Variants in TMEM135 observed in about 807,000 individuals in gnomAD.
TMEM135 encodes the protein transmembrane protein 135, also known as peroxisomal membrane protein 52.
TMEM135 carries 30 observed loss-of-function variants against 60.3 expected under a neutral mutation model. That is an observed-to-expected ratio of 0.50 (90% CI 0.37 to 0.68). The LOEUF is 0.68. Ranked by LOEUF, TMEM135 falls within the 30% of genes least tolerant of loss-of-function variation. The pLI is 0.00. For synonymous variants in TMEM135, 190 were observed against 186.7 expected, an observed-to-expected ratio of 1.02 and a Z score of -0.14; for missense variants, 468 against 548.8, an observed-to-expected ratio of 0.85 and a Z score of 1.47.
At chr11:87,118,216 G>C in intron 4 of TMEM135, among the ~76,000 whole-genome samples, 1 of 152,162 alleles carries the variant, frequency 6.6e-6, no homozygotes, top group Non-Finnish European at 1.5e-5. Context: ...AAGGGCCTTA[G>C]TATTGTCAGA....
rs1267022618 is a variant in TMEM135, at chr11:87,328,314, C to G, written c.*6981C>G. ...AAGGTTTTGCTCATCTTTAAAAAAT[C>G]TTAGTTGATTATGTTTTATGTGTCA... On this transcript the variant is annotated 3_prime_UTR_variant, in exon 15 of 15. Coordinates refer to ENST00000305494, the MANE Select transcript of TMEM135 (RefSeq NM_022918.4). 2 of 453,862 alleles carry G rather than the reference C, an allele frequency of 4.4e-6. No homozygotes were observed. Among genetic ancestry groups the G allele is most frequent in the Non-Finnish European group, 8.8e-6 (2 of 226,776 alleles). 28.1% of individuals were successfully genotyped at this position (453,862 alleles called of 1,614,324 possible).
At chr11:87,068,128 T>G (rs1235188329) in intron 2 of TMEM135, among the ~76,000 whole-genome samples, 1 of 152,230 alleles carries the variant, frequency 6.6e-6, no homozygotes, top group Admixed American at 6.5e-5. Flanking sequence ...CTTTTCAGTT[T>G]CATAGATCAG....
At chr11:87,074,120 C>T (rs1372061357) in intron 3 of TMEM135, among the ~76,000 whole-genome samples, 1 of 152,074 alleles carries the variant, frequency 6.6e-6, no homozygotes, top group Admixed American at 6.5e-5. Context: ...CATGAACCAC[C>T]AAGCCTGGCT....
intron 4 of TMEM135, among the ~76,000 whole-genome samples, chr11:87,134,809 G>A (rs1326538714): frequency 1.3e-5 from 2 of 152,128 alleles, no homozygotes; most frequent in African/African-American, 4.8e-5. Flanking sequence ...ATTTTAAGAA[G>A]TGTCTAGGCT....
intron 4 of TMEM135, among the ~76,000 whole-genome samples, chr11:87,136,361 C>T (rs558710886): frequency 2.5e-4 from 38 of 151,984 alleles, no homozygotes; most frequent in East Asian, 1.9e-3. Context: ...AAATCCCATT[C>T]AGTGTATTAT....
intron 5 of TMEM135, among the ~76,000 whole-genome samples, chr11:87,170,757 G>T (rs1270149551): frequency 1.3e-5 from 2 of 152,150 alleles, no homozygotes; most frequent in Non-Finnish European, 2.9e-5. Flanking sequence ...CCAGTCAGAA[G>T]GCATGGGGGT....
Position 87,327,419 on chromosome 11 carries a change from C to T in TMEM135, c.*6086C>T. The stretch of plus-strand genomic sequence containing the variant: ...GCTTCTGTGAGCCACTGAATGGTGC[C>T]ATTAACCATCTGCATTTGAGCATTT... On this transcript the variant is annotated 3_prime_UTR_variant, in exon 15 of 15. Coordinates refer to ENST00000305494, the MANE Select transcript of TMEM135 (RefSeq NM_022918.4). 2.2e-6 allele frequency: 1 copy of T among 454,006 alleles called. No individual in the cohort carries two copies. Among genetic ancestry groups the T allele is most frequent in the Non-Finnish European group, 4.4e-6 (1 of 226,782 alleles). The allele number at this position is 454,006 out of a possible 1,614,324, so 28.1% of individuals were successfully genotyped here.
At chr11:87,286,544 G>C (rs1056182784) in intron 6 of TMEM135, among the ~76,000 whole-genome samples, 1 of 152,230 alleles carries the variant, frequency 6.6e-6, no homozygotes, top group African/African-American at 2.4e-5. Flanking sequence ...TTAGGCGGTC[G>C]ATGGGACCGG....
At chr11:87,237,618 T>G (rs1941029313) in intron 6 of TMEM135, among the ~76,000 whole-genome samples, 1 of 152,026 alleles carries the variant, frequency 6.6e-6, no homozygotes, top group African/African-American at 2.4e-5. Flanking sequence ...GTACATGAGA[T>G]GTTTTGATAC....
intron 10 of TMEM135, among the ~76,000 whole-genome samples, chr11:87,313,009 A>T (rs953751349): frequency 1.6e-4 from 24 of 151,544 alleles, no homozygotes; most frequent in African/African-American, 5.3e-4. Context: ...CTCAGCTTTT[A>T]TCTGTCTGGA....
intron 6 of TMEM135, among the ~76,000 whole-genome samples, chr11:87,252,693 C>T (rs542022829): frequency 1.3e-5 from 2 of 151,672 alleles, no homozygotes; most frequent in South Asian, 4.2e-4. Flanking sequence ...ATCGCCTGGA[C>T]CTGGGAGGTG....
At chr11:87,116,884 G>GTGATCTC (rs1214913043) in intron 4 of TMEM135, among the ~76,000 whole-genome samples, 2 of 151,696 alleles carry the variant, frequency 1.3e-5, no homozygotes, top group African/African-American at 4.8e-5. Flanking sequence ...GTGCAGTGGC[G>GTGATCTC]TGATCTCGGC....
intron 3 of TMEM135, among the ~76,000 whole-genome samples, chr11:87,088,181 C>T (rs1857136495): frequency 6.6e-6 from 1 of 152,114 alleles, no homozygotes; most frequent in South Asian, 2.1e-4. Context: ...TTACTCACCA[C>T]AAGTTAGGAA....
At chr11:87,316,285 T>TGAGAGA (rs762821907) in intron 12 of TMEM135, among the ~76,000 whole-genome samples, 2 of 149,250 alleles carry the variant, frequency 1.3e-5, no homozygotes, top group Admixed American at 6.7e-5. Flanking sequence ...TGTGTGTGTG[T>TGAGAGA]GAGAGAGAGA....
chr11:87,148,009 G>C (rs1260852542), intron 4 of TMEM135, among the ~76,000 whole-genome samples: 1 of 152,132 alleles, frequency 6.6e-6, no homozygotes, highest in Non-Finnish European at 1.5e-5. Flanking sequence ...GCCCGCTTCA[G>C]TCTCCCAAAG....
intron 4 of TMEM135, among the ~76,000 whole-genome samples, chr11:87,152,488 C>G (rs914326579): frequency 5.9e-5 from 9 of 152,324 alleles, no homozygotes; most frequent in African/African-American, 2.2e-4. Context: ...GATTTTCACT[C>G]TTGACGCCCA....
intron 4 of TMEM135, among the ~76,000 whole-genome samples, chr11:87,153,630 A>G (rs1412848704): frequency 6.6e-6 from 1 of 152,098 alleles, no homozygotes; most frequent in African/African-American, 2.4e-5. Flanking sequence ...TTCATTGCAC[A>G]TATTCACATG....
intron 6 of TMEM135, among the ~76,000 whole-genome samples, chr11:87,269,491 C>A (rs1941820991): frequency 6.6e-6 from 1 of 151,768 alleles, no homozygotes; most frequent in South Asian, 2.1e-4. Flanking sequence ...GCTATCCCTC[C>A]CCCCTCCTCC....
At chr11:87,285,837 C>T (rs1195377337) in intron 6 of TMEM135, among the ~76,000 whole-genome samples, 1 of 152,136 alleles carries the variant, frequency 6.6e-6, no homozygotes, top group Non-Finnish European at 1.5e-5. Context: ...CTGATTGGTC[C>T]ATTTTATAGA....
Sources: gnomAD v4.1 joint callset for allele counts (sites outside exome capture counted in the v4.1 genomes callset) on GRCh38, gnomAD v4.1.1 for gene constraint, MANE v1.5 for transcripts, NCBI Gene and HGNC (gene_info 2026-07-23, HGNC 2026-07-21) for gene names.